Variants in LAMA3 observed in about 807,000 individuals in gnomAD.
The protein encoded by LAMA3 is laminin subunit alpha 3.
In LAMA3, 281 loss-of-function variants were observed where a neutral mutation model predicts 402.0. That is an observed-to-expected ratio of 0.70 (90% CI 0.63 to 0.77). LAMA3 has a LOEUF of 0.77. Among genes scored for constraint, LAMA3 ranks in the 30% least tolerant of loss-of-function variants. The pLI, the probability that LAMA3 is intolerant of heterozygous loss-of-function variation, is 0.00. For synonymous variants in LAMA3, 1,431 were observed against 1,558.4 expected, an observed-to-expected ratio of 0.92 and a Z score of 1.93; for missense variants, 3,840 against 4,215.5, an observed-to-expected ratio of 0.91 and a Z score of 2.47.
intron 25 of LAMA3, 80 bp downstream of exon 25, chr18:23,837,169 C>G (rs2063600279): frequency 2.1e-6 from 2 of 975,516 alleles, no homozygotes; most frequent in Non-Finnish European, 3.2e-6. Flanking sequence ...AAAATTTTGG[C>G]TGGGGTTGTA....
At chr18:23,915,483 T>C in intron 59 of LAMA3, 61 bp downstream of exon 59, 2 of 1,492,476 alleles carry the variant, frequency 1.3e-6, no homozygotes, top group Non-Finnish European at 1.9e-6. Context: ...TGCAGTACTT[T>C]TACATATGAT....
intron 6 of LAMA3, among the ~76,000 whole-genome samples, chr18:23,755,102 C>T (rs1286723634): frequency 1.3e-5 from 2 of 152,228 alleles, no homozygotes; most frequent in Non-Finnish European, 2.9e-5. Flanking sequence ...TATTTCCACC[C>T]TGTAATCTCC....
intron 47 of LAMA3, among the ~76,000 whole-genome samples, chr18:23,900,002 A>G (rs773982799): frequency 3.3e-5 from 5 of 152,152 alleles, no homozygotes; most frequent in Admixed American, 6.5e-5. Context: ...TTATACACAT[A>G]TATCGAAGGT....
intron 29 of LAMA3, among the ~76,000 whole-genome samples, chr18:23,843,861 C>G (rs2063757867): frequency 1.3e-5 from 2 of 152,230 alleles, no homozygotes; most frequent in African/African-American, 2.4e-5. Context: ...CATGTCCTCT[C>G]ATGCCACCAG....
intron 24 of LAMA3, among the ~76,000 whole-genome samples, chr18:23,835,321 A>C (rs1387020266): frequency 6.6e-6 from 1 of 152,234 alleles, no homozygotes; most frequent in African/African-American, 2.4e-5. Flanking sequence ...GGAACTATTC[A>C]TAACAACCCT....
At chr18:23,850,195 A>C (rs1451218563) in intron 32 of LAMA3, among the ~76,000 whole-genome samples, 2 of 152,260 alleles carry the variant, frequency 1.3e-5, no homozygotes, top group African/African-American at 4.8e-5. Context: ...AAATCATCAC[A>C]AACTGCAAAG....
At chr18:23,897,318 A>G (rs1259841394) in intron 44 of LAMA3, among the ~76,000 whole-genome samples, 1 of 152,220 alleles carries the variant, frequency 6.6e-6, no homozygotes, top group Non-Finnish European at 1.5e-5. Context: ...TATTCTAGAA[A>G]AATGACTCTT....
intron 2 of LAMA3, among the ~76,000 whole-genome samples, chr18:23,724,636 C>T (rs2061267514): frequency 6.6e-6 from 1 of 152,202 alleles, no homozygotes; most frequent in African/African-American, 2.4e-5. Flanking sequence ...CATTCCTTAG[C>T]TAATCTTGAA....
chr18:23,786,376 C>T (rs1474429742), intron 12 of LAMA3, among the ~76,000 whole-genome samples: 1 of 152,196 alleles, frequency 6.6e-6, no homozygotes, highest in African/African-American at 2.4e-5. Flanking sequence ...AGCAGAAGCC[C>T]TATTCCAGGT....
At chr18:23,827,171 C>G (rs1458167218) in intron 22 of LAMA3, 143 bp from the exon 23 acceptor site, 1 of 932,296 alleles carries the variant, frequency 1.1e-6, no homozygotes, top group Non-Finnish European at 1.7e-6. Context: ...ATTCTTGTAG[C>G]AGACACTTAA....
chr18:23,796,400 GGA>G (rs771128904), intron 12 of LAMA3, among the ~76,000 whole-genome samples: 3 of 152,124 alleles, frequency 2.0e-5, no homozygotes, highest in South Asian at 4.2e-4. Flanking sequence ...ATGGAGCAAG[GGA>G]AGAGAGGTAC....
intron 73 of LAMA3, among the ~76,000 whole-genome samples, chr18:23,952,549 A>T (rs2082952361): frequency 6.6e-6 from 1 of 152,234 alleles, no homozygotes; most frequent in African/African-American, 2.4e-5. Flanking sequence ...GAGATCATTA[A>T]CATGAGAGGA....
intron 12 of LAMA3, 64 bp from the exon 13 acceptor site, chr18:23,810,302 C>A: frequency 1.3e-6 from 2 of 1,576,590 alleles, no homozygotes; most frequent in Admixed American, 1.7e-5. Flanking sequence ...TGCTCCGGGA[C>A]GTGGTTCTTC....
Position 23,827,467 on chromosome 18 carries a change from G to C in LAMA3, c.2823G>C (p.Glu941Asp). Residue 941 changes from glutamate to aspartate, a missense_variant and splice_region_variant, in exon 23 of 75, where the codon GAG becomes GAC. By Grantham distance (45) the Glu-to-Asp change is conservative (BLOSUM62 2). Transcript: ENST00000313654. ...HPVMVDLSGR[E>D]VELHLRLRIP... ...TCATGGTGGACCTCAGCGGGAGAGA[G>C]GTGGGCCAGCCTTTTATTTATTATC... The C allele has an allele frequency of 6.2e-7, 1 of 1,614,016 alleles. No homozygotes were observed. Among genetic ancestry groups the C allele is most frequent in the South Asian group, 1.1e-5 (1 of 91,072 alleles).
At chr18:23,901,355 G>A (rs202166002) in intron 48 of LAMA3, 32 bp downstream of exon 48, 20 of 1,564,068 alleles carry the variant, frequency 1.3e-5, no homozygotes, top group East Asian at 2.2e-5. Flanking sequence ...GCACACTTTC[G>A]TTAATAAGGA....
At chr18:23,757,014 C>A (rs956057679) in intron 6 of LAMA3, among the ~76,000 whole-genome samples, 1 of 150,692 alleles carries the variant, frequency 6.6e-6, no homozygotes, top group Admixed American at 6.6e-5. Context: ...CCAGGAGCCC[C>A]AGACTCTGAG....
intron 5 of LAMA3, among the ~76,000 whole-genome samples, chr18:23,752,987 G>GT (rs1469645142): frequency 2.0e-5 from 3 of 152,236 alleles, no homozygotes; most frequent in Non-Finnish European, 4.4e-5. Flanking sequence ...GAGAAGGAAG[G>GT]TTGCTGGCAG....
Position 23,689,726 on chromosome 18 carries a change from G to T in LAMA3, c.43G>T (p.Val15Leu). 1 of 1,482,714 alleles carries T rather than the reference G, an allele frequency of 6.7e-7. No homozygotes were observed. Among genetic ancestry groups the T allele is most frequent in the Non-Finnish European group, 8.9e-7 (1 of 1,121,264 alleles). 91.8% of individuals were successfully genotyped at this position (1,482,714 alleles called of 1,614,324 possible). ...ARPRGRALGP[V>L]LPPTPLLLLV... ...GCCTCGGGGTCGGGCACTGGGGCCAGTACTGCCGCCGACGCCGCTGCTCCT... is the reference window on the plus strand; with the variant it reads ...GCCTCGGGGTCGGGCACTGGGGCCATTACTGCCGCCGACGCCGCTGCTCCT... The change falls in exon 1 of 75, where the codon GTA becomes TTA. Residue 15 changes from valine to leucine, a missense_variant. Physicochemically the swap from Val to Leu is conservative, Grantham distance 32. Transcript: ENST00000313654.
chr18:23,940,464 A>G (rs1211430845), intron 68 of LAMA3, among the ~76,000 whole-genome samples: 2 of 152,186 alleles, frequency 1.3e-5, no homozygotes, highest in African/African-American at 2.4e-5. Context: ...CATGGCTGCC[A>G]CATGCCGTTT....
Sources: gnomAD v4.1 joint callset for allele counts (sites outside exome capture counted in the v4.1 genomes callset) on GRCh38, gnomAD v4.1.1 for gene constraint, MANE v1.5 for transcripts, NCBI Gene and HGNC (gene_info 2026-07-23, HGNC 2026-07-21) for gene names.